Variants in PTPRM observed in about 807,000 individuals in gnomAD.
PTPRM encodes the protein protein tyrosine phosphatase receptor type M, also known as receptor-type tyrosine-protein phosphatase mu.
In PTPRM, 47 loss-of-function variants were observed where a neutral mutation model predicts 186.7. That is an observed-to-expected ratio of 0.25 (90% confidence interval 0.20 to 0.32). PTPRM has a LOEUF of 0.32. Among genes scored for constraint, PTPRM ranks in the 10% least tolerant of loss-of-function variants. The pLI is 1.00. For synonymous variants in PTPRM, 668 were observed against 674.9 expected (o/e 0.99, Z 0.16); for missense variants, 1,494 against 1,865.0 (o/e 0.80, Z 3.66).
At chr18:8,180,687 C>T (rs1601048193) in intron 14 of PTPRM, among the ~76,000 whole-genome samples, 1 of 152,118 alleles carries the variant, frequency 6.6e-6, no homozygotes, top group East Asian at 1.9e-4. Context: ...CTTCCCTTAC[C>T]GGTTCATTAT....
rs763752808 is a variant in PTPRM, at chr18:7,834,528, A to ACACACACACACACACACACT, written c.197-53577_197-53576insACACACACACACACACACTC. ...CACACACACACACACACACACACAC[A>ACACACACACACACACACACT]CTTCCAGACTCATTCTTTCAGGTCA... On this transcript the variant is annotated intron_variant, in intron 2 of 32. Transcript: ENST00000580170. 8.0e-4 allele frequency among the ~76,000 whole-genome samples: 117 copies of ACACACACACACACACACACT among 146,216 alleles called. 2 individuals carry two copies. The highest frequency in any genetic ancestry group is 2.1e-3 in the African/African-American group (80 of 38,542).
chr18:8,081,989 C>G (rs538394888), intron 9 of PTPRM, among the ~76,000 whole-genome samples: 1 of 152,192 alleles, frequency 6.6e-6, no homozygotes, highest in East Asian at 1.9e-4. Context: ...TCAGCAAGTC[C>G]AAGCCCATCA....
chr18:8,257,718 A>T (rs1362137514), intron 19 of PTPRM, among the ~76,000 whole-genome samples: 1 of 152,232 alleles, frequency 6.6e-6, no homozygotes, highest in African/African-American at 2.4e-5. Flanking sequence ...TAATCATCCC[A>T]TCGGCCTTTC....
intron 14 of PTPRM, among the ~76,000 whole-genome samples, chr18:8,203,082 A>T (rs960348866): frequency 6.6e-5 from 10 of 152,234 alleles, no homozygotes; most frequent in Non-Finnish European, 7.3e-5. Flanking sequence ...ATATTTGTGC[A>T]ATTACTGAGT....
chr18:7,768,313 A>G (rs1253418845), intron 1 of PTPRM, among the ~76,000 whole-genome samples: 2 of 152,196 alleles, frequency 1.3e-5, no homozygotes, highest in African/African-American at 4.8e-5. Flanking sequence ...CAACATAGGG[A>G]GATCTCGTCT....
At chr18:8,266,257 C>A (rs2094699138) in intron 19 of PTPRM, among the ~76,000 whole-genome samples, 1 of 151,852 alleles carries the variant, frequency 6.6e-6, no homozygotes, top group South Asian at 2.1e-4. Context: ...TGTCTCTAAT[C>A]CCTACTCACC....
At chr18:7,689,311 C>T (rs1451911497) in intron 1 of PTPRM, among the ~76,000 whole-genome samples, 3 of 152,212 alleles carry the variant, frequency 2.0e-5, no homozygotes, top group African/African-American at 4.8e-5. Flanking sequence ...AGTGTCATCT[C>T]AGACTGTTCG....
chr18:8,145,675 G>A (rs2092866995), intron 14 of PTPRM, among the ~76,000 whole-genome samples: 1 of 152,202 alleles, frequency 6.6e-6, no homozygotes. Context: ...TGGCTGCATA[G>A]TATTCCATGG....
Position 7,906,555 on chromosome 18 carries a change from TG to T in PTPRM, c.520del (p.Glu174ArgfsTer2). 1 of 1,613,554 alleles carries T rather than the reference TG, an allele frequency of 6.2e-7. No individual in the cohort carries two copies. The highest frequency in any genetic ancestry group is 8.5e-7 in the Non-Finnish European group (1 of 1,179,416). ...SGHQGYLAIDEVKVLGHPCTR... is the reference protein window; with the variant it reads ...SGHQGYLAIDXVKVLGHPCTR... ...GACATCAAGGCTATCTCGCTATCGA[TG>T]AGGTGAAGGTGTTAGGACATCCATG... is the stretch of plus-strand genomic sequence containing the variant. On this transcript the variant is annotated frameshift_variant, in exon 4 of 33. Coordinates refer to ENST00000580170, the MANE Select transcript of PTPRM (RefSeq NM_001105244.2). LOFTEE classifies it high-confidence loss of function.
intron 2 of PTPRM, among the ~76,000 whole-genome samples, chr18:7,860,023 T>G (rs897811457): frequency 1.3e-5 from 2 of 152,210 alleles, no homozygotes; most frequent in African/African-American, 4.8e-5. Context: ...AATTTTCTGA[T>G]CCTTTTTGAA....
At chr18:8,175,933 A>G (rs2093473595) in intron 14 of PTPRM, among the ~76,000 whole-genome samples, 1 of 152,140 alleles carries the variant, frequency 6.6e-6, no homozygotes, top group African/African-American at 2.4e-5. Context: ...CTTGCTTCTC[A>G]TTCCTTAGAC....
chr18:8,088,249 A>G (rs964348693), intron 10 of PTPRM, among the ~76,000 whole-genome samples: 7 of 151,454 alleles, frequency 4.6e-5, no homozygotes, highest in African/African-American at 1.7e-4. Context: ...ATTAATTCCA[A>G]CAAATCTCTC....
intron 1 of PTPRM, among the ~76,000 whole-genome samples, chr18:7,643,783 G>A (rs950325711): frequency 3.9e-5 from 6 of 152,160 alleles, no homozygotes; most frequent in East Asian, 3.9e-4. Context: ...TTAGCAGCCC[G>A]AAGAAAAGTG....
intron 32 of PTPRM, among the ~76,000 whole-genome samples, chr18:8,395,171 C>T (rs1304614275): frequency 6.6e-6 from 1 of 151,948 alleles, no homozygotes; most frequent in Non-Finnish European, 1.5e-5. Context: ...TGCCAACCAC[C>T]GTGACTCTAG....
chr18:8,273,156 A>G (rs1025829048), intron 19 of PTPRM, among the ~76,000 whole-genome samples: 1 of 152,168 alleles, frequency 6.6e-6, no homozygotes, highest in African/African-American at 2.4e-5. Flanking sequence ...AAATTCTACC[A>G]TGTTACCACT....
intron 3 of PTPRM, among the ~76,000 whole-genome samples, chr18:7,899,102 G>A (rs761091409): frequency 6.6e-6 from 1 of 152,126 alleles, no homozygotes; most frequent in Non-Finnish European, 1.5e-5. Flanking sequence ...TCATCTTAGC[G>A]TCCTTGCACT....
intron 1 of PTPRM, among the ~76,000 whole-genome samples, chr18:7,589,798 C>A (rs1192415831): frequency 6.6e-6 from 1 of 152,150 alleles, no homozygotes; most frequent in African/African-American, 2.4e-5. Context: ...AAGAATCTTG[C>A]AAAACCATTA....
intron 7 of PTPRM, among the ~76,000 whole-genome samples, chr18:7,984,972 TA>T (rs2147517672): frequency 8.4e-6 from 1 of 118,824 alleles, no homozygotes; most frequent in Non-Finnish European, 1.6e-5. Flanking sequence ...TACATATAAT[TA>T]TATATACATA....
intron 1 of PTPRM, among the ~76,000 whole-genome samples, chr18:7,596,191 CG>C (rs914115044): frequency 3.4e-4 from 52 of 152,108 alleles, no homozygotes; most frequent in African/African-American, 1.2e-3. Flanking sequence ...CACTGTCATA[CG>C]GTGACAGTTG....
Sources: allele counts gnomAD v4.1 joint callset (sites outside exome capture counted in the v4.1 genomes callset), GRCh38; gene constraint gnomAD v4.1.1; transcripts MANE v1.5; gene names NCBI Gene and HGNC (gene_info 2026-07-23, HGNC 2026-07-21).